The following DSCC1 variants were observed in gnomAD, a reference collection of about 807,000 sequenced individuals.
The protein encoded by DSCC1 is DNA replication and sister chromatid cohesion 1.
Under a neutral mutation model 48.2 loss-of-function variants are expected in DSCC1, and 32 were observed. The observed-to-expected ratio is 0.66, with a 90% CI of 0.50 to 0.89. DSCC1 has a LOEUF of 0.89. DSCC1 is among the 40% of genes least tolerant of loss of function. The pLI is 0.00. For synonymous variants in DSCC1, 150 were observed against 171.5 expected (o/e 0.87, Z 0.98); for missense variants, 421 against 471.7 (o/e 0.89, Z 1.00).
At position 119,838,589 on chromosome 8, in the gene DSCC1, C is replaced by T. The variant is rs964022592; in HGVS notation, c.925-182G>A. On this transcript the variant is annotated intron_variant, in intron 7 of 8. Coordinates refer to ENST00000313655, the MANE Select transcript of DSCC1 (RefSeq NM_024094.3). ...TACAAAGAGCTCCTTTAAGCAGTGA[C>T]TTCTTTCCTCCTCTGCAATCTGGCT... The T allele has an allele frequency of 5.5e-6, 3 of 546,258 alleles. No individual in the cohort carries two copies. In the East Asian group the frequency reaches 1.1e-4, roughly 20 times the overall value. The allele number at this position is 546,258 out of a possible 1,614,324, so 33.8% of individuals were successfully genotyped here.
chr8:119,839,357 A>T (rs1826733886), intron 7 of DSCC1: 1 of 152,274 alleles, frequency 6.6e-6, no homozygotes, highest in Non-Finnish European at 1.5e-5. Context: ...ATCCTAGGAA[A>T]ACAGGAAACT....
chr8:119,843,882 T>G, intron 4 of DSCC1, 135 bp from the exon 5 acceptor site: 1 of 829,308 alleles, frequency 1.2e-6, no homozygotes, highest in Non-Finnish European at 1.9e-6. Flanking sequence ...TTTCAAGCAA[T>G]TCTGCCATCT....
rs1281401696 is a variant in DSCC1, at chr8:119,834,745, A to C, written c.*148T>G. On this transcript the variant is annotated 3_prime_UTR_variant, in exon 9 of 9. Transcript: ENST00000313655. ...TACATCCTATAACATTTAAGAAATA[A>C]CAGTAGTTTCAAAATGCTTAAGATG... is the stretch of plus-strand genomic sequence containing the variant. The C allele has an allele frequency of 2.5e-5, 16 of 649,998 alleles. No homozygotes were observed. Among genetic ancestry groups the C allele is most frequent in the South Asian group, 2.1e-4 (12 of 57,592 alleles). 40.3% of individuals were successfully genotyped at this position (649,998 alleles called of 1,614,324 possible).
At chr8:119,850,230 G>A in intron 3 of DSCC1, 152 bp downstream of exon 3, 1 of 673,222 alleles carries the variant, frequency 1.5e-6, no homozygotes, top group East Asian at 3.3e-5. Flanking sequence ...TACTATGTGT[G>A]CTTTGGGGTG....
At chr8:119,836,911 G>C (rs974033730) in intron 8 of DSCC1, among the ~76,000 whole-genome samples, 12 of 152,152 alleles carry the variant, frequency 7.9e-5, no homozygotes, top group Admixed American at 2.0e-4. Flanking sequence ...CCAAGGAAGA[G>C]GGGAGAAACT....
At position 119,837,862 on chromosome 8, in the gene DSCC1, G is replaced by T. The variant is rs151334759; in HGVS notation, c.1073+397C>A. 7.9e-4 allele frequency among the ~76,000 whole-genome samples: 121 copies of T among 152,312 alleles called. 1 individual carries two copies. In the East Asian group the frequency reaches 0.02, roughly 25 times the overall value. Reference sequence around the variant, plus strand: ...CAAGCGTTAGGGGACTCAAGATTTTGTAAGAAGTGACTTTGGGGCTAACGT... The same window carrying T: ...CAAGCGTTAGGGGACTCAAGATTTTTTAAGAAGTGACTTTGGGGCTAACGT... On this transcript the variant is annotated intron_variant, in intron 8 of 8. Transcript: ENST00000313655.
chr8:119,841,490 G>C (rs1347874329), intron 7 of DSCC1, among the ~76,000 whole-genome samples: 1 of 152,132 alleles, frequency 6.6e-6, no homozygotes, highest in Non-Finnish European at 1.5e-5. Flanking sequence ...TAGGAAGAGG[G>C]ATTAACAGAA....
chr8:119,844,451 A>AG (rs1460423913), intron 4 of DSCC1, among the ~76,000 whole-genome samples: 1 of 151,908 alleles, frequency 6.6e-6, no homozygotes, highest in African/African-American at 2.4e-5. Context: ...AAAAAAAAAA[A>AG]AAGTCTTCAC....
intron 3 of DSCC1, among the ~76,000 whole-genome samples, chr8:119,849,972 A>G (rs1826920749): frequency 6.6e-6 from 1 of 152,198 alleles, no homozygotes; most frequent in African/African-American, 2.4e-5. Flanking sequence ...AGCTTCCATT[A>G]TGTCCCCTCT....
Position 119,834,826 on chromosome 8 carries a change from G to A in DSCC1, c.*67C>T. 3 of 1,077,110 alleles carry A rather than the reference G, an allele frequency of 2.8e-6. No individual in the cohort carries two copies. In the East Asian group the frequency reaches 7.1e-5, roughly 26 times the overall value. The allele number at this position is 1,077,110 out of a possible 1,614,324, so 66.7% of individuals were successfully genotyped here. A position where few individuals can be genotyped will look rare whatever the true frequency, so the allele number is the denominator to read the frequency against. ...CTAAAAGTCAGAAATAAAAGTACAAGTTATTTTTCTTCTATCCAGCAACTT... is the reference window on the plus strand; with the variant it reads ...CTAAAAGTCAGAAATAAAAGTACAAATTATTTTTCTTCTATCCAGCAACTT... On this transcript the variant is annotated 3_prime_UTR_variant, in exon 9 of 9. Coordinates refer to ENST00000313655, the MANE Select transcript of DSCC1 (RefSeq NM_024094.3).
At chr8:119,854,109 G>A (rs534358241) in intron 1 of DSCC1, among the ~76,000 whole-genome samples, 100 of 152,256 alleles carry the variant, frequency 6.6e-4, no homozygotes, top group Non-Finnish European at 1.2e-3. Flanking sequence ...AGCTACTCAG[G>A]AGGCTGGTGG....
intron 2 of DSCC1, among the ~76,000 whole-genome samples, chr8:119,852,463 C>T (rs777351722): frequency 6.6e-6 from 1 of 152,152 alleles, no homozygotes; most frequent in East Asian, 1.9e-4. Context: ...AAGCAATTCT[C>T]CTGCCTCAGC....
Position 119,850,527 on chromosome 8 carries a change from T to C in DSCC1, c.352-11A>G, listed in dbSNP as rs780124309. 8.3e-6 allele frequency: 13 copies of C among 1,561,152 alleles called. No individual in the cohort carries two copies. The highest frequency in any genetic ancestry group is 2.3e-5 in the East Asian group (1 of 43,702). Reference sequence around the variant, plus strand: ...AGAAAAACCAAAGATCTAGAAATTATATATATCGTAACCTTTTAGGGGCCA... The same window carrying C: ...AGAAAAACCAAAGATCTAGAAATTACATATATCGTAACCTTTTAGGGGCCA... On this transcript the variant is annotated splice_polypyrimidine_tract_variant and intron_variant, in intron 2 of 8. Transcript: ENST00000313655.
chr8:119,842,374 C>CA (rs1826785608), intron 6 of DSCC1, among the ~76,000 whole-genome samples: 1 of 133,320 alleles, frequency 7.5e-6, no homozygotes. Flanking sequence ...CTGCACTGGC[C>CA]TTTTTTTTTT....
rs1276996864 is a variant in DSCC1, at chr8:119,834,611, A to AT, written c.*281dup. On this transcript the variant is annotated 3_prime_UTR_variant, in exon 9 of 9. Transcript: ENST00000313655. Reference sequence around the variant, plus strand: ...TAAGTAAAGAAATGACATTTTAAATATAAAAAGCCAAACTTTAAATAAATC... The same window carrying AT: ...TAAGTAAAGAAATGACATTTTAAATATTAAAAAGCCAAACTTTAAATAAATC... The AT allele has an allele frequency of 3.7e-6, 1 of 266,874 alleles. No individual in the cohort carries two copies. The highest frequency in any genetic ancestry group is 2.3e-5 in the African/African-American group (1 of 43,738). 16.5% of individuals were successfully genotyped at this position (266,874 alleles called of 1,614,324 possible).
chr8:119,843,140 G>C (rs1343947356), intron 5 of DSCC1, among the ~76,000 whole-genome samples: 2 of 144,126 alleles, frequency 1.4e-5, no homozygotes, highest in Non-Finnish European at 3.0e-5. Context: ...TTTTTTGAGA[G>C]TGCAGTAGCG....
intron 3 of DSCC1, among the ~76,000 whole-genome samples, chr8:119,847,971 T>C (rs528217186): frequency 4.0e-5 from 6 of 150,584 alleles, no homozygotes; most frequent in African/African-American, 1.5e-4. Context: ...GGCCTCTTTT[T>C]GTTTTTGTTT....
chr8:119,838,171 A>T, intron 8 of DSCC1, 88 bp downstream of exon 8: 1 of 1,402,850 alleles, frequency 7.1e-7, no homozygotes, highest in Non-Finnish European at 9.4e-7. Context: ...TACTCAAGAA[A>T]ATTGTGTTCC....
chr8:119,848,179 T>C (rs1465854126), intron 3 of DSCC1, among the ~76,000 whole-genome samples: 1 of 152,012 alleles, frequency 6.6e-6, no homozygotes, highest in Non-Finnish European at 1.5e-5. Context: ...CCCAGACTGG[T>C]CTCAAACTCC....
Sources: allele counts gnomAD v4.1 joint callset (sites outside exome capture counted in the v4.1 genomes callset), GRCh38; gene constraint gnomAD v4.1.1; transcripts MANE v1.5; gene names NCBI Gene and HGNC (gene_info 2026-07-23, HGNC 2026-07-21).